ELP6: variants seen among roughly 807,000 people sequenced by gnomAD.
ELP6 encodes the protein elongator acetyltransferase complex subunit 6, also known as elongator complex protein 6.
ELP6 carries 23 observed loss-of-function variants against 28.1 expected under a neutral mutation model. The ratio of observed to expected loss-of-function variants is 0.82; its 90% CI spans 0.59 to 1.16. The LOEUF (loss-of-function observed/expected upper bound fraction) is 1.16, where lower values mean the gene tolerates loss of function less well. Ranked by LOEUF, ELP6 falls within the 50% of genes most tolerant of loss-of-function variation. The pLI, the probability that ELP6 is intolerant of heterozygous loss-of-function variation, is 0.00. For missense variants in ELP6, 313 were observed against 334.6 expected (o/e 0.94, Z 0.50); for synonymous variants, 132 against 135.8 (o/e 0.97, Z 0.19).
intron 1 of ELP6, chr3:47,512,932 G>A (rs2029904781): frequency 1.0e-6 from 1 of 984,606 alleles, no homozygotes; most frequent in African/African-American, 1.8e-5. Context: ...TGCACAGCGC[G>A]CCACAGTTCA....
intron 6 of ELP6, chr3:47,496,407 T>G: frequency 2.0e-6 from 2 of 984,972 alleles, no homozygotes; most frequent in Non-Finnish European, 2.4e-6. Flanking sequence ...GTAGTCATAT[T>G]GGCTCAATAC....
At chr3:47,501,454 C>A in intron 5 of ELP6, 196 bp downstream of exon 5, 1 of 599,822 alleles carries the variant, frequency 1.7e-6, no homozygotes, top group Admixed American at 3.0e-5. Flanking sequence ...TTGATCATCC[C>A]TTTATTTTGG....
At chr3:47,502,960 G>T in intron 4 of ELP6, 1 of 857,464 alleles carries the variant, frequency 1.2e-6, no homozygotes, top group Non-Finnish European at 1.4e-6. Flanking sequence ...AAGCCAGCTT[G>T]CCTATCTCCG....
Position 47,505,139 on chromosome 3 carries a change from C to T in ELP6, c.205-691G>A, listed in dbSNP as rs929005945. ...AAAATTAGCCAGGCGTGGTGGCGGG[C>T]GCCTGCAATCCCAGCTACTCAGGAG... On this transcript the variant is annotated intron_variant, in intron 3 of 6. Transcript: ENST00000296149. Among the ~76,000 whole-genome samples, 9 of 151,698 alleles carry T rather than the reference C, an allele frequency of 5.9e-5. No individual in the cohort carries two copies. In the South Asian group the frequency reaches 1.3e-3, roughly 21 times the overall value.
chr3:47,513,280 C>A (rs1339806786), intron 1 of ELP6: 1 of 1,334,246 alleles, frequency 7.5e-7, no homozygotes, highest in Non-Finnish European at 9.6e-7. Flanking sequence ...GGGTGAGCCA[C>A]CGCGCCCGGC....
chr3:47,510,151 A>C (rs1708972298), intron 3 of ELP6, 33 bp downstream of exon 3: 1 of 1,525,908 alleles, frequency 6.6e-7, no homozygotes, highest in African/African-American at 1.4e-5. Flanking sequence ...ACACTCACTC[A>C]GGGACCTCAT....
At chr3:47,503,410 G>A in intron 4 of ELP6, 1 of 1,289,736 alleles carries the variant, frequency 7.8e-7, no homozygotes, top group Non-Finnish European at 1.0e-6. Context: ...GGCCTGTGAT[G>A]TTGAATACCA....
At chr3:47,510,757 G>A (rs1334332965) in intron 2 of ELP6, among the ~76,000 whole-genome samples, 2 of 152,192 alleles carry the variant, frequency 1.3e-5, no homozygotes, top group Non-Finnish European at 2.9e-5. Context: ...ATTACGCCCA[G>A]CCATGCAGCA....
intron 1 of ELP6, chr3:47,511,970 T>G (rs1709029302): frequency 1.0e-6 from 1 of 983,914 alleles, no homozygotes; most frequent in Non-Finnish European, 1.2e-6. Flanking sequence ...GATCACATCG[T>G]CAGACCTTCA....
At chr3:47,502,256 A>G (rs2108089036) in intron 4 of ELP6, 1 of 276,544 alleles carries the variant, frequency 3.6e-6, no homozygotes, top group South Asian at 1.4e-4. Context: ...CTAAAAATAC[A>G]AAAATTAGCC....
Position 47,496,010 on chromosome 3 carries a change from T to C in ELP6, c.*59A>G. The C allele has an allele frequency of 6.2e-7, 1 of 1,610,886 alleles. No homozygotes were observed. Among genetic ancestry groups the C allele is most frequent in the Non-Finnish European group, 8.5e-7 (1 of 1,178,940 alleles). ...GGAGAAAGACCCATTCTTGCTATGTTGCTCTATCTTCCACGTCCAAAAACA... is the reference window on the plus strand; with the variant it reads ...GGAGAAAGACCCATTCTTGCTATGTCGCTCTATCTTCCACGTCCAAAAACA... On this transcript the variant is annotated 3_prime_UTR_variant, in exon 7 of 7. Transcript: ENST00000296149.
rs1209735365 is a variant in ELP6, at chr3:47,513,627, C to A, written c.-37G>T. 1 of 1,612,402 alleles carries A rather than the reference C, an allele frequency of 6.2e-7. No individual in the cohort carries two copies. Among genetic ancestry groups the A allele is most frequent in the Non-Finnish European group, 8.5e-7 (1 of 1,179,184 alleles). ...GGGACTAGCGCTCTGGAGGAGAACC[C>A]GGAGTGCTGCAGAGACGACGGAGGC... On this transcript the variant is annotated 5_prime_UTR_variant, in exon 1 of 7. Transcript: ENST00000296149.
At chr3:47,503,423 C>T in intron 4 of ELP6, 1 of 1,289,578 alleles carries the variant, frequency 7.8e-7, no homozygotes, top group Non-Finnish European at 1.0e-6. Context: ...GAATACCAAA[C>T]CAGGGGAAAA....
At chr3:47,508,021 GC>G (rs1708896368) in intron 3 of ELP6, among the ~76,000 whole-genome samples, 1 of 100,886 alleles carries the variant, frequency 9.9e-6, no homozygotes, top group Non-Finnish European at 2.1e-5. Context: ...AAGCCATGCT[GC>G]AGAGCCCTGG....
Position 47,512,128 on chromosome 3 carries a change from CA to C in ELP6, c.55-903del, listed in dbSNP as rs1338369734. ...AGAACTGCCTGGCAACTAAAATCCA[CA>C]AGGATCTACTGAAAGCTACAATTTG... On this transcript the variant is annotated intron_variant, in intron 1 of 6. Coordinates refer to ENST00000296149, the MANE Select transcript of ELP6 (RefSeq NM_001031703.3). 1.2e-5 allele frequency: 11 copies of C among 944,590 alleles called. No individual in the cohort carries two copies. The South Asian group carries it at 4.9e-4, about 42-fold the overall frequency. The allele number at this position is 944,590 out of a possible 1,614,324, so 58.5% of individuals were successfully genotyped here.
At chr3:47,511,020 C>T (rs1372861175) in intron 2 of ELP6, 128 bp downstream of exon 2, 4 of 717,396 alleles carry the variant, frequency 5.6e-6, no homozygotes, top group African/African-American at 1.8e-5. Context: ...ATAAAATAGC[C>T]CCCCTAGGTA....
chr3:47,509,377 G>C (rs1162572288), intron 3 of ELP6, among the ~76,000 whole-genome samples: 1 of 152,248 alleles, frequency 6.6e-6, no homozygotes. Context: ...TTCACAGGCA[G>C]TGAAGTCCAC....
chr3:47,500,744 G>T (rs1043932980), intron 5 of ELP6, among the ~76,000 whole-genome samples: 1 of 152,176 alleles, frequency 6.6e-6, no homozygotes, highest in African/African-American at 2.4e-5. Context: ...ACTGTAGCCA[G>T]GACGGCCTCA....
At chr3:47,509,912 C>A (rs1708965375) in intron 3 of ELP6, 1 of 266,996 alleles carries the variant, frequency 3.7e-6, no homozygotes, top group South Asian at 7.1e-5. Flanking sequence ...TGGGTATGCA[C>A]CACCACGCCC....
Sources: gnomAD v4.1 joint callset for allele counts (sites outside exome capture counted in the v4.1 genomes callset) on GRCh38, gnomAD v4.1.1 for gene constraint, MANE v1.5 for transcripts, NCBI Gene and HGNC (gene_info 2026-07-23, HGNC 2026-07-21) for gene names.